Variants in AMOTL1 observed in about 807,000 individuals in gnomAD.
The protein encoded by AMOTL1 is angiomotin-like protein 1.
In AMOTL1, 45 loss-of-function variants were observed where a neutral mutation model predicts 102.9. That is an observed-to-expected ratio of 0.44 (90% confidence interval 0.34 to 0.56). The LOEUF is 0.56. Ranked by LOEUF, AMOTL1 falls within the 20% of genes least tolerant of loss-of-function variation. The pLI, the probability that AMOTL1 is intolerant of heterozygous loss-of-function variation, is 0.01. For missense variants in AMOTL1, 1,114 were observed against 1,225.6 expected (o/e 0.91, Z 1.36); for synonymous variants, 481 against 484.7 (o/e 0.99, Z 0.10).
chr11:94,740,098 C>T (rs1950496357), intron 2 of AMOTL1: 1 of 152,194 alleles, frequency 6.6e-6, no homozygotes, highest in African/African-American at 2.4e-5. Context: ...CAATGCAGCT[C>T]ATATTACTTT....
intron 1 of AMOTL1, among the ~76,000 whole-genome samples, chr11:94,709,974 C>A (rs916049170): frequency 6.6e-6 from 1 of 152,064 alleles, no homozygotes; most frequent in African/African-American, 2.4e-5. Flanking sequence ...TAAAAAGACT[C>A]GAGAAAGAGA....
chr11:94,731,636 A>G (rs1173231679), intron 2 of AMOTL1, among the ~76,000 whole-genome samples: 1 of 152,172 alleles, frequency 6.6e-6, no homozygotes, highest in Non-Finnish European at 1.5e-5. Flanking sequence ...CCTTTTTTGT[A>G]TAGATATAGA....
intron 1 of AMOTL1, chr11:94,728,866 A>G (rs1667653793): frequency 4.9e-6 from 4 of 818,722 alleles, no homozygotes; most frequent in Non-Finnish European, 6.8e-6. Flanking sequence ...TCTCTTCACA[A>G]AGAGAACATC....
intron 7 of AMOTL1, among the ~76,000 whole-genome samples, chr11:94,852,763 A>G (rs1325029977): frequency 6.6e-6 from 1 of 152,220 alleles, no homozygotes; most frequent in Non-Finnish European, 1.5e-5. Flanking sequence ...CTACCTATCT[A>G]TAAAGGACTC....
At chr11:94,768,669 C>A in intron 1 of AMOTL1, 109 bp downstream of exon 1, 1 of 1,486,716 alleles carries the variant, frequency 6.7e-7, no homozygotes, top group Non-Finnish European at 9.1e-7. Context: ...AAGGGGGCAG[C>A]TTCTGGGGGC....
intron 3 of AMOTL1, among the ~76,000 whole-genome samples, chr11:94,805,170 G>C (rs965092138): frequency 1.3e-5 from 2 of 152,182 alleles, no homozygotes; most frequent in Non-Finnish European, 2.9e-5. Context: ...ACTAAATCTG[G>C]TGAATTTCTA....
In AMOTL1 at chr11:94,707,112, A is replaced by G. The variant is rs149983091; in HGVS notation, c.-51+515A>G. Among the ~76,000 whole-genome samples, 133 of 152,224 alleles carry G rather than the reference A, an allele frequency of 8.7e-4. 4 individuals carry two copies. In the East Asian group the frequency reaches 0.023, roughly 27 times the overall value. ...AGGATGCCTGTTCTGACATGCAGGT[A>G]CCTTGTTCAAACAATGGCTGTGCTG... On this transcript the variant is annotated intron_variant, in intron 1 of 4. Coordinates refer to the AMOTL1 transcript ENST00000299004.
intron 2 of AMOTL1, among the ~76,000 whole-genome samples, chr11:94,739,855 G>A (rs899723204): frequency 3.9e-5 from 6 of 152,144 alleles, no homozygotes; most frequent in African/African-American, 1.4e-4. Context: ...CAAGTTATCA[G>A]GCTACTGACT....
chr11:94,846,184 A>T (rs1214289772), intron 6 of AMOTL1, among the ~76,000 whole-genome samples: 1 of 152,140 alleles, frequency 6.6e-6, no homozygotes, highest in African/African-American at 2.4e-5. Flanking sequence ...CCCTGCCCTG[A>T]ATTAGCTGTC....
intron 8 of AMOTL1, among the ~76,000 whole-genome samples, chr11:94,859,102 G>T (rs957140245): frequency 8.5e-5 from 13 of 152,134 alleles, no homozygotes; most frequent in Admixed American, 8.5e-4. Context: ...CAAACAACTG[G>T]AATCACTTTG....
chr11:94,851,674 TC>T (rs1420483616), intron 7 of AMOTL1, among the ~76,000 whole-genome samples: 1 of 152,242 alleles, frequency 6.6e-6, no homozygotes, highest in African/African-American at 2.4e-5. Flanking sequence ...AAGACTTTTC[TC>T]ATCTCTAATG....
chr11:94,741,085 G>T (rs1950518069), intron 3 of AMOTL1: 2 of 1,059,150 alleles, frequency 1.9e-6, no homozygotes, highest in Admixed American at 2.3e-5. Flanking sequence ...TAGGGATGGG[G>T]CTGGGGTTGG....
Position 94,850,143 on chromosome 11 carries a change from T to A in AMOTL1, c.1678T>A (p.Leu560Ile). ...AGAATTCTTGAAGGAAAAGGAGAAA[T>A]TAGAAATGGAGTTAGCAGCAGTGCG... The part of the protein sequence containing the change: ...NKEFLKEKEK[L>I]EMELAAVRTA... The change falls in exon 7 of 13, where the codon TTA becomes ATA. Residue 560 changes from leucine (L) to isoleucine (I), a missense_variant. By Grantham distance (5) the Leu-to-Ile change is conservative. Transcript: ENST00000433060. 1 of 1,583,130 alleles carries A rather than the reference T, an allele frequency of 6.3e-7. No homozygotes were observed. The highest frequency in any genetic ancestry group is 1.3e-5 in the African/African-American group (1 of 74,332).
intron 1 of AMOTL1, among the ~76,000 whole-genome samples, chr11:94,773,983 C>T (rs1355545869): frequency 6.6e-6 from 1 of 152,216 alleles, no homozygotes; most frequent in African/African-American, 2.4e-5. Flanking sequence ...GCTGAAGCCT[C>T]ATGAGTAAAA....
chr11:94,830,761 C>T (rs1952053264), intron 5 of AMOTL1, among the ~76,000 whole-genome samples: 1 of 152,206 alleles, frequency 6.6e-6, no homozygotes, highest in South Asian at 2.1e-4. Flanking sequence ...AATGAGTTAA[C>T]CTATAAATGT....
rs189741877 is a variant in AMOTL1, at chr11:94,744,384, A to G, written c.136+3396A>G. ...AGCACAGGAGCTTCTGTCCTTTTAG[A>G]GTTGGGGTGCACCACCCTCCTGGCA... On this transcript the variant is annotated intron_variant, in intron 3 of 4. Transcript: ENST00000299004. Among the ~76,000 whole-genome samples the G allele has an allele frequency of 1.9e-3, 296 of 152,304 alleles. 2 individuals are homozygous for G. Among genetic ancestry groups the G allele is most frequent in the African/African-American group, 6.6e-3 (275 of 41,570 alleles).
chr11:94,718,709 A>G (rs1212385589), intron 1 of AMOTL1, among the ~76,000 whole-genome samples: 1 of 151,418 alleles, frequency 6.6e-6, no homozygotes, highest in African/African-American at 2.4e-5. Flanking sequence ...TTGTTTATCT[A>G]TTGATTATCA....
chr11:94,743,340 C>T (rs1950551010), intron 3 of AMOTL1, among the ~76,000 whole-genome samples: 1 of 152,182 alleles, frequency 6.6e-6, no homozygotes. Context: ...ATGTGCTGTG[C>T]TGTTTGGGTA....
intron 1 of AMOTL1, 116 bp from the exon 2 acceptor site, chr11:94,794,895 C>A: frequency 8.6e-7 from 1 of 1,161,276 alleles, no homozygotes; most frequent in Non-Finnish European, 1.2e-6. Flanking sequence ...AAAGAAAGAG[C>A]TCCCTCTGCC....
Sources: gnomAD v4.1 joint callset for allele counts (sites outside exome capture counted in the v4.1 genomes callset) on GRCh38, gnomAD v4.1.1 for gene constraint, MANE v1.5 for transcripts, NCBI Gene and HGNC (gene_info 2026-07-23, HGNC 2026-07-21) for gene names.